The following TCEA3 variants were observed in gnomAD, a reference collection of about 807,000 sequenced individuals.
TCEA3 encodes transcription elongation factor A protein 3.
Under a neutral mutation model 44.0 loss-of-function variants are expected in TCEA3, and 36 were observed. That is an observed-to-expected ratio of 0.82 (90% CI 0.63 to 1.08). The LOEUF is 1.08. Ranked by LOEUF, TCEA3 falls within the 50% of genes least tolerant of loss-of-function variation. The pLI is 0.00. For missense variants in TCEA3, 392 were observed against 441.2 expected, an observed-to-expected ratio of 0.89 and a Z score of 1.00; for synonymous variants, 162 against 159.7, an observed-to-expected ratio of 1.01 and a Z score of -0.11.
intron 5 of TCEA3, among the ~76,000 whole-genome samples, chr1:23,401,352 T>C (rs1639389368): frequency 6.6e-6 from 1 of 152,164 alleles, no homozygotes; most frequent in South Asian, 2.1e-4. Flanking sequence ...TCCTAGCTTT[T>C]ATTTATTTTT....
intron 7 of TCEA3, among the ~76,000 whole-genome samples, chr1:23,395,827 C>CAA (rs576778891): frequency 1.9e-4 from 17 of 90,824 alleles, no homozygotes; most frequent in Admixed American, 5.0e-4. Flanking sequence ...GATTCCATCT[C>CAA]AAAAAAAAAA....
chr1:23,404,192 T>A, intron 5 of TCEA3: 1 of 702,270 alleles, frequency 1.4e-6, no homozygotes, highest in South Asian at 1.5e-5. Context: ...GATAGCCAGG[T>A]AAAAGGACAA....
At position 23,408,850 on chromosome 1, in the gene TCEA3, C is replaced by A; in HGVS notation, c.381-124G>T. 2.2e-5 allele frequency: 19 copies of A among 853,272 alleles called. 1 individual carries two copies. In the South Asian group the frequency reaches 3.3e-4, roughly 15 times the overall value. The allele number at this position is 853,272 out of a possible 1,614,324, so 52.9% of individuals were successfully genotyped here. A position where few individuals can be genotyped will look rare whatever the true frequency, so the allele number is the denominator to read the frequency against. ...TGAGGCTAAGGAAGCCCACCCGGGCCACAGCTACTTGGGAGAGGGAGCTCC... is the reference window on the plus strand; with the variant it reads ...TGAGGCTAAGGAAGCCCACCCGGGCAACAGCTACTTGGGAGAGGGAGCTCC... On this transcript the variant is annotated intron_variant, in intron 4 of 10. Transcript: ENST00000450454.
chr1:23,387,157 C>A, intron 9 of TCEA3, 116 bp downstream of exon 9: 1 of 1,366,288 alleles, frequency 7.3e-7, no homozygotes. Flanking sequence ...CCGGCAAAGC[C>A]TAGAGAGTTT....
chr1:23,393,499 A>G (rs1316282896), intron 8 of TCEA3, among the ~76,000 whole-genome samples: 1 of 152,054 alleles, frequency 6.6e-6, no homozygotes, highest in Non-Finnish European at 1.5e-5. Context: ...GCCCCCACAC[A>G]TGCCACACAA....
intron 10 of TCEA3, chr1:23,383,816 G>A (rs748051332): frequency 3.4e-5 from 34 of 986,248 alleles, no homozygotes; most frequent in Middle Eastern, 1.0e-3. Context: ...CAAAACTTCT[G>A]CCTTTGCAGG....
At chr1:23,403,954 A>G (rs1639469631) in intron 5 of TCEA3, 1 of 601,626 alleles carries the variant, frequency 1.7e-6, no homozygotes, top group East Asian at 2.8e-5. Context: ...CTGGGAACTG[A>G]GCCAAACTGC....
At position 23,382,788 on chromosome 1, in the gene TCEA3, C is replaced by T. The variant is rs149287500; in HGVS notation, c.1039-1314G>A. 1.2e-4 allele frequency among the ~76,000 whole-genome samples: 18 copies of T among 152,326 alleles called. No homozygotes were observed. The East Asian group carries it at 3.5e-3, about 29-fold the overall frequency. On this transcript the variant is annotated intron_variant, in intron 10 of 10. Transcript: ENST00000450454. ...GAGTTCAGGTCACTGAGTTAAGTCA[C>T]TTGGTAAGGGATAAAGCTAGGATTT... is the stretch of plus-strand genomic sequence containing the variant.
chr1:23,418,188 T>C (rs1276869409), intron 2 of TCEA3, 179 bp from the exon 3 acceptor site: 2 of 612,314 alleles, frequency 3.3e-6, no homozygotes, highest in Admixed American at 2.9e-5. Flanking sequence ...GGCCCTGCTC[T>C]GCACGAGGCC....
rs1042252389 is a variant in TCEA3 at position 23,414,067 on chromosome 1, AATG to A, written c.380+3179_380+3181del. 7.1e-4 allele frequency among the ~76,000 whole-genome samples: 107 copies of A among 150,000 alleles called. 1 individual carries two copies. Among genetic ancestry groups the A allele is most frequent in the Non-Finnish European group, 1.4e-3 (93 of 67,562 alleles). On this transcript the variant is annotated intron_variant, in intron 4 of 10. Coordinates refer to ENST00000450454, the MANE Select transcript of TCEA3 (RefSeq NM_003196.3). ...TGTGAGTGCTTGTTTCTAGATAATA[AATG>A]ATATTTTATTTTACTTTATTTTATT...
chr1:23,408,364 G>A (rs975016205), intron 5 of TCEA3, among the ~76,000 whole-genome samples: 1 of 152,156 alleles, frequency 6.6e-6, no homozygotes, highest in Admixed American at 6.5e-5. Context: ...AGCCACCCCA[G>A]GGAAGGAGCC....
intron 5 of TCEA3, chr1:23,403,383 G>A (rs527253348): frequency 1.3e-5 from 2 of 152,220 alleles, no homozygotes; most frequent in South Asian, 2.1e-4. Flanking sequence ...ACGTAAAATC[G>A]GAATAATAAT....
At chr1:23,390,060 C>A (rs1459574745) in intron 8 of TCEA3, among the ~76,000 whole-genome samples, 3 of 152,144 alleles carry the variant, frequency 2.0e-5, no homozygotes, top group African/African-American at 7.2e-5. Flanking sequence ...CAGGGGAAAG[C>A]AACAGGGTAT....
At chr1:23,419,300 C>T in intron 1 of TCEA3, 161 bp from the exon 2 acceptor site, 2 of 449,586 alleles carry the variant, frequency 4.4e-6, no homozygotes, top group Non-Finnish European at 7.8e-6. Flanking sequence ...ACAATCTGTC[C>T]TAGGTGGTGC....
intron 9 of TCEA3, among the ~76,000 whole-genome samples, chr1:23,386,418 A>C (rs1008264479): frequency 7.9e-5 from 12 of 151,556 alleles, no homozygotes; most frequent in African/African-American, 2.9e-4. Flanking sequence ...TTGTATTTTT[A>C]GCAGAGATGA....
intron 8 of TCEA3, among the ~76,000 whole-genome samples, chr1:23,389,835 A>G (rs115728565): frequency 1.5e-3 from 233 of 152,304 alleles, no homozygotes; most frequent in African/African-American, 5.5e-3. Flanking sequence ...CTAATGTGAT[A>G]TAACTGAACG....
At chr1:23,408,593 T>A in intron 5 of TCEA3, 71 bp downstream of exon 5, 1 of 1,493,018 alleles carries the variant, frequency 6.7e-7, no homozygotes. Context: ...TTGGGCTTCC[T>A]CCATAAAAAC....
At position 23,424,666 on chromosome 1, in the gene TCEA3, A is replaced by G. The variant is rs1238837001; in HGVS notation, c.-33T>C. The G allele has an allele frequency of 6.3e-7, 1 of 1,581,726 alleles. No individual in the cohort carries two copies. The highest frequency in any genetic ancestry group is 1.1e-5 in the South Asian group (1 of 90,298). On this transcript the variant is annotated 5_prime_UTR_variant, in exon 1 of 11. Coordinates refer to ENST00000450454, the MANE Select transcript of TCEA3 (RefSeq NM_003196.3). ...CGCGACGCCCGGCGGGGCGAGGGGC[A>G]CAGGGGCAGCAGTAGGGCCTCGGGG...
chr1:23,383,455 G>A, intron 10 of TCEA3: 1 of 929,480 alleles, frequency 1.1e-6, no homozygotes, highest in East Asian at 1.2e-4. Context: ...AAGTGTTTAT[G>A]CATACATGAT....
Sources: gnomAD v4.1 joint callset for allele counts (sites outside exome capture counted in the v4.1 genomes callset) on GRCh38, gnomAD v4.1.1 for gene constraint, MANE v1.5 for transcripts, NCBI Gene and HGNC (gene_info 2026-07-23, HGNC 2026-07-21) for gene names.